JMJD1C: variants seen among roughly 807,000 people sequenced by gnomAD.
JMJD1C encodes the protein jumonji domain containing 1C, also known as jumonji domain-containing protein 1C.
JMJD1C carries 31 observed loss-of-function variants against 245.3 expected under a neutral mutation model. The ratio of observed to expected loss-of-function variants is 0.13; its 90% confidence interval spans 0.09 to 0.17. The LOEUF (loss-of-function observed/expected upper bound fraction) is 0.17. Ranked by LOEUF, JMJD1C falls within the 10% of genes least tolerant of loss-of-function variation. The pLI, the probability that JMJD1C is intolerant of heterozygous loss-of-function variation, is 1.00. For synonymous variants in JMJD1C, 1,057 were observed against 1,017.4 expected, an observed-to-expected ratio of 1.04 and a Z score of -0.74; for missense variants, 2,691 against 3,000.2, an observed-to-expected ratio of 0.90 and a Z score of 2.41.
At chr10:63,453,319 A>C (rs1467751747) in intron 1 of JMJD1C, among the ~76,000 whole-genome samples, 1 of 152,226 alleles carries the variant, frequency 6.6e-6, no homozygotes, top group Non-Finnish European at 1.5e-5. Context: ...GTTTTGTTAC[A>C]TATATTTTAC....
chr10:63,454,489 T>C, intron 1 of JMJD1C, among the ~76,000 whole-genome samples: 1 of 151,890 alleles, frequency 6.6e-6, no homozygotes, highest in East Asian at 1.9e-4. Flanking sequence ...AGTGGTACGA[T>C]CTCAGCTCAC....
chr10:63,463,214 G>C (rs1319138461), intron 1 of JMJD1C, among the ~76,000 whole-genome samples: 1 of 152,064 alleles, frequency 6.6e-6, no homozygotes, highest in Non-Finnish European at 1.5e-5. Flanking sequence ...GCCCAGGCTA[G>C]AGTGCAGTGG....
At chr10:63,441,512 G>A (rs770662327) in intron 1 of JMJD1C, among the ~76,000 whole-genome samples, 5 of 152,142 alleles carry the variant, frequency 3.3e-5, no homozygotes, top group Admixed American at 2.0e-4. Flanking sequence ...CACACAGGAA[G>A]TACTATATTA....
At position 63,465,776 on chromosome 10, in the gene JMJD1C, C is replaced by A. The variant is rs752295383; in HGVS notation, c.-114G>T. Reference sequence around the variant, plus strand: ...GCGGACCGGGACACAGCAGCGGACCCGAAAGAGCGCAGACTCGGGACGAAC... The same window carrying A: ...GCGGACCGGGACACAGCAGCGGACCAGAAAGAGCGCAGACTCGGGACGAAC... On this transcript the variant is annotated 5_prime_UTR_variant, in exon 1 of 26. Transcript: ENST00000399262. 5 of 1,285,922 alleles carry A rather than the reference C, an allele frequency of 3.9e-6. No homozygotes were observed. Among genetic ancestry groups the A allele is most frequent in the African/African-American group, 1.4e-5 (1 of 69,492 alleles). 79.7% of individuals were successfully genotyped at this position (1,285,922 alleles called of 1,614,324 possible). A position where few individuals can be genotyped will look rare whatever the true frequency, so the allele number is the denominator to read the frequency against.
At chr10:63,417,537 C>T (rs1309225977) in intron 1 of JMJD1C, among the ~76,000 whole-genome samples, 2 of 152,028 alleles carry the variant, frequency 1.3e-5, no homozygotes, top group Admixed American at 1.3e-4. Flanking sequence ...AATTAGTGGG[C>T]AAAATCTGAA....
intron 2 of JMJD1C, among the ~76,000 whole-genome samples, chr10:63,342,007 T>C (rs772738307): frequency 2.6e-5 from 4 of 152,322 alleles, no homozygotes; most frequent in East Asian, 1.9e-4. Context: ...TCAGTGATGA[T>C]GGTGAACAAA....
At chr10:63,204,354 T>C (rs1227126648) in intron 10 of JMJD1C, 2 of 985,264 alleles carry the variant, frequency 2.0e-6, no homozygotes, top group Non-Finnish European at 2.4e-6. Flanking sequence ...TTCTGGCCCT[T>C]TTCTTAGAAC....
chr10:63,258,148 T>G (rs1854214282), intron 3 of JMJD1C, among the ~76,000 whole-genome samples: 1 of 152,228 alleles, frequency 6.6e-6, no homozygotes, highest in Admixed American at 6.5e-5. Flanking sequence ...CTTTACTGTA[T>G]CATTTCATTT....
chr10:63,353,596 A>C (rs1031891019), intron 2 of JMJD1C, among the ~76,000 whole-genome samples: 3 of 151,890 alleles, frequency 2.0e-5, no homozygotes, highest in Non-Finnish European at 4.4e-5. Context: ...GCTCACTGCA[A>C]CCTCTTCCTC....
intron 2 of JMJD1C, among the ~76,000 whole-genome samples, chr10:63,362,234 C>CT (rs1945436028): frequency 9.9e-6 from 1 of 100,712 alleles, no homozygotes; most frequent in African/African-American, 2.9e-5. Context: ...GACTGCATCT[C>CT]TAAAAAAAAA....
chr10:63,458,288 C>A (rs1398161612), intron 1 of JMJD1C, among the ~76,000 whole-genome samples: 3 of 152,022 alleles, frequency 2.0e-5, no homozygotes, highest in Non-Finnish European at 4.4e-5. Flanking sequence ...ATGTTTGAGA[C>A]CAGCCTGGGC....
At chr10:63,380,226 C>G in intron 2 of JMJD1C, 92 bp downstream of exon 2, 1 of 1,258,168 alleles carries the variant, frequency 7.9e-7, no homozygotes, top group South Asian at 1.2e-5. Flanking sequence ...TTACAGGTGT[C>G]AGTCACCAAA....
chr10:63,519,112 T>A (rs538260577), intron 1 of JMJD1C, among the ~76,000 whole-genome samples: 1 of 152,076 alleles, frequency 6.6e-6, no homozygotes, highest in Non-Finnish European at 1.5e-5. Flanking sequence ...TATTGAGATG[T>A]GAAAAAAGGC....
At chr10:63,357,161 G>A (rs1358217654) in intron 2 of JMJD1C, among the ~76,000 whole-genome samples, 2 of 151,880 alleles carry the variant, frequency 1.3e-5, no homozygotes, top group African/African-American at 2.4e-5. Flanking sequence ...AGCCTCCCCA[G>A]TAGCTGGGAC....
At chr10:63,216,538 G>GT (rs1358136969) in intron 5 of JMJD1C, among the ~76,000 whole-genome samples, 1 of 151,588 alleles carries the variant, frequency 6.6e-6, no homozygotes, top group East Asian at 1.9e-4. Context: ...GCGAAACCCC[G>GT]TATCTACTAA....
At chr10:63,229,989 G>A (rs1422140235) in intron 3 of JMJD1C, among the ~76,000 whole-genome samples, 2 of 152,162 alleles carry the variant, frequency 1.3e-5, no homozygotes, top group Non-Finnish European at 2.9e-5. Context: ...AGGCCTAAGT[G>A]GAATTGGTAA....
chr10:63,519,264 G>A (rs893157163), intron 1 of JMJD1C, among the ~76,000 whole-genome samples: 2 of 152,156 alleles, frequency 1.3e-5, no homozygotes, highest in East Asian at 1.9e-4. Context: ...TCCTACCTAG[G>A]TTGCCTTCAG....
chr10:63,441,118 G>A (rs1951358626), intron 1 of JMJD1C, among the ~76,000 whole-genome samples: 1 of 152,158 alleles, frequency 6.6e-6, no homozygotes, highest in Non-Finnish European at 1.5e-5. Context: ...ACAGAAAAAG[G>A]CCGTGTGTAA....
rs543525486 is a variant in JMJD1C at position 63,167,230 on chromosome 10, G to A, written c.*815C>T. On this transcript the variant is annotated 3_prime_UTR_variant, in exon 26 of 26. Transcript: ENST00000399262. ...AGTACTCTGGAAAAAGTCAATTTTTGATAAAGTCCTTTTAATGGAAAATGT... is the reference window on the plus strand; with the variant it reads ...AGTACTCTGGAAAAAGTCAATTTTTAATAAAGTCCTTTTAATGGAAAATGT... 1 of 152,592 alleles carries A rather than the reference G, an allele frequency of 6.6e-6. No individual in the cohort carries two copies. Among genetic ancestry groups the A allele is most frequent in the East Asian group, 1.9e-4 (1 of 5,180 alleles). 9.5% of individuals were successfully genotyped at this position (152,592 alleles called of 1,614,324 possible). A position where few individuals can be genotyped will look rare whatever the true frequency, so the allele number is the denominator to read the frequency against.
Sources: allele counts gnomAD v4.1 joint callset (sites outside exome capture counted in the v4.1 genomes callset), GRCh38; gene constraint gnomAD v4.1.1; transcripts MANE v1.5; gene names NCBI Gene and HGNC (gene_info 2026-07-23, HGNC 2026-07-21).